Variants in CYSRT1 observed in about 807,000 individuals in gnomAD.
CYSRT1 encodes the protein cysteine rich tail 1, also known as cysteine-rich tail protein 1.
CYSRT1 carries 7 observed loss-of-function variants against 6.2 expected under a neutral mutation model. The ratio of observed to expected loss-of-function variants is 1.13; its 90% CI spans 0.64 to 2.13. CYSRT1 has a LOEUF of 2.13. Ranked by LOEUF, CYSRT1 falls within the 30% of genes most tolerant of loss-of-function variation. CYSRT1 has a pLI of 0.00. For missense variants in CYSRT1, 188 were observed against 196.4 expected (o/e 0.96, Z 0.26); for synonymous variants, 75 against 83.1 (o/e 0.90, Z 0.53).
intron 1 of CYSRT1, 37 bp from the exon 2 acceptor site, chr9:137,225,577 C>T (rs1328684729): frequency 1.3e-6 from 2 of 1,518,978 alleles, no homozygotes; most frequent in Admixed American, 4.3e-5. Context: ...TCCCACTCCA[C>T]TGAGTTCATG....
Position 137,225,630 on chromosome 9 carries a change from C to A in CYSRT1, c.9C>A (p.Pro3=). ...CCCCTGCAGGCTGGACCATGGACCC[C>A]CAAGAGATGGTCGTCAAGAACCCAT... MD[P]QEMVVKNPYA... Residue 3 remains proline (P), a synonymous_variant, in exon 2 of 2, where the codon CCC becomes CCA. Coordinates refer to ENST00000650725, the MANE Select transcript of CYSRT1 (RefSeq NM_199001.5). 1 of 1,550,338 alleles carries A rather than the reference C, an allele frequency of 6.5e-7. No individual in the cohort carries two copies. The highest frequency in any genetic ancestry group is 8.7e-7 in the Non-Finnish European group (1 of 1,146,942).
Position 137,226,192 on chromosome 9 carries a change from C to T in CYSRT1, c.*136C>T. On this transcript the variant is annotated 3_prime_UTR_variant, in exon 2 of 2. Coordinates refer to ENST00000650725, the MANE Select transcript of CYSRT1 (RefSeq NM_199001.5). Reference sequence around the variant, plus strand: ...TCACACCAGGCACTGGGGCTCAGACCCACCAGGAAGGTGGCCGTTCAGCCC... The same window carrying T: ...TCACACCAGGCACTGGGGCTCAGACTCACCAGGAAGGTGGCCGTTCAGCCC... 4.9e-6 allele frequency: 7 copies of T among 1,436,958 alleles called. No homozygotes were observed. Among genetic ancestry groups the T allele is most frequent in the Non-Finnish European group, 6.4e-6 (7 of 1,085,940 alleles). 89.0% of individuals were successfully genotyped at this position (1,436,958 alleles called of 1,614,324 possible).
intron 1 of CYSRT1, 95 bp from the exon 2 acceptor site, chr9:137,225,519 G>T: frequency 2.1e-6 from 3 of 1,457,460 alleles, no homozygotes. Context: ...GACGAGGCAC[G>T]CTGCTCCTGG....
At chr9:137,225,565 C>A in intron 1 of CYSRT1, 49 bp from the exon 2 acceptor site, 1 of 1,495,544 alleles carries the variant, frequency 6.7e-7, no homozygotes, top group South Asian at 1.3e-5. Flanking sequence ...CGTGGGCAGC[C>A]ATCCCACTCC....
chr9:137,225,875 A>T lies in CYSRT1; in HGVS notation c.254A>T (p.Gln85Leu), dbSNP rs1445638072. ...AAPIQNQQAWQQPGNPYSSSQ... is the reference protein window; with the variant it reads ...AAPIQNQQAWLQPGNPYSSSQ... ...CCCATCCAGAACCAGCAGGCCTGGC[A>T]GCAGCCTGGCAACCCCTACAGCAGC... Residue 85 changes from glutamine (Q) to leucine (L), a missense_variant, in exon 2 of 2, where the codon CAG becomes CTG. Transcript: ENST00000650725. 5 of 1,545,784 alleles carry T rather than the reference A, an allele frequency of 3.2e-6. No homozygotes were observed. The highest frequency in any genetic ancestry group is 4.4e-6 in the Non-Finnish European group (5 of 1,146,764).
chr9:137,226,039 T>C lies in CYSRT1; in HGVS notation c.418T>C (p.Cys140Arg). The change falls in exon 2 of 2, where the codon TGC (cysteine) becomes CGC (arginine). Residue 140 changes from cysteine to arginine, a missense_variant. Coordinates refer to ENST00000650725, the MANE Select transcript of CYSRT1 (RefSeq NM_199001.5). ...PPFCRCHSCCCCVIS is the reference protein window; with the variant it reads ...PPFCRCHSCCRCVIS ...CTTCTGCCGCTGCCACAGCTGCTGC[T>C]GCTGTGTCATCTCCTAGCCCAGCCC... The C allele has an allele frequency of 6.5e-7, 1 of 1,548,672 alleles. No individual in the cohort carries two copies. The highest frequency in any genetic ancestry group is 8.7e-7 in the Non-Finnish European group (1 of 1,146,762).
rs1335683145 is a variant in CYSRT1 at position 137,225,202 on chromosome 9, C to T, written c.-40C>T. 51 of 1,550,274 alleles carry T rather than the reference C, an allele frequency of 3.3e-5. No individual in the cohort carries two copies. Among genetic ancestry groups the T allele is most frequent in the South Asian group, 9.5e-5 (8 of 84,070 alleles). On this transcript the variant is annotated 5_prime_UTR_variant, in exon 1 of 2. Transcript: ENST00000650725. ...CACTGGGACCTAGAGCTCAGAAGAC[C>T]GAGAGGACAGACTGCCGTGTTGCCA...
At chr9:137,225,351 C>A in intron 1 of CYSRT1, 118 bp downstream of exon 1, 1 of 1,134,700 alleles carries the variant, frequency 8.8e-7, no homozygotes, top group Non-Finnish European at 1.3e-6. Context: ...GGACCAATGC[C>A]ACCAGGGGAG....
In CYSRT1 at chr9:137,225,175, G is replaced by A. The variant is rs986894869; in HGVS notation, c.-67G>A. On this transcript the variant is annotated 5_prime_UTR_variant, in exon 1 of 2. Coordinates refer to ENST00000650725, the MANE Select transcript of CYSRT1 (RefSeq NM_199001.5). Reference sequence around the variant, plus strand: ...AGGCGGCTGCCAGTCGCTCAACTCAGGCACTGGGACCTAGAGCTCAGAAGA... The same window carrying A: ...AGGCGGCTGCCAGTCGCTCAACTCAAGCACTGGGACCTAGAGCTCAGAAGA... The A allele has an allele frequency of 3.2e-6, 5 of 1,550,458 alleles. No individual in the cohort carries two copies. The highest frequency in any genetic ancestry group is 4.4e-6 in the Non-Finnish European group (5 of 1,146,958).
In CYSRT1 at chr9:137,225,964, G is replaced by A. The variant is rs891633307; in HGVS notation, c.343G>A (p.Ala115Thr). The A allele has an allele frequency of 1.3e-6, 2 of 1,548,568 alleles. No homozygotes were observed. The highest frequency in any genetic ancestry group is 1.7e-6 in the Non-Finnish European group (2 of 1,146,674). ...PPPAGRGDDI[A>T]HHCCCCPCCH... ...GCCCGCGGGGCGCGGGGATGACATCGCCCACCACTGCTGCTGCTGCCCCTG... is the reference window on the plus strand; with the variant it reads ...GCCCGCGGGGCGCGGGGATGACATCACCCACCACTGCTGCTGCTGCCCCTG... Residue 115 changes from alanine (A) to threonine (T), a missense_variant, in exon 2 of 2, where the codon GCC (alanine) becomes ACC (threonine). Physicochemically the swap from Ala to Thr is moderately conservative, Grantham distance 58 (BLOSUM62 0). Coordinates refer to ENST00000650725, the MANE Select transcript of CYSRT1 (RefSeq NM_199001.5).
chr9:137,226,124 G>A lies in CYSRT1; in HGVS notation c.*68G>A. ...TGTGGCTCACACAGTGCCGGGACAT[G>A]CCGGGACATGCGGGGTGGCTGTTGT... On this transcript the variant is annotated 3_prime_UTR_variant, in exon 2 of 2. Coordinates refer to ENST00000650725, the MANE Select transcript of CYSRT1 (RefSeq NM_199001.5). 1.3e-6 allele frequency: 2 copies of A among 1,507,038 alleles called. No individual in the cohort carries two copies. The highest frequency in any genetic ancestry group is 2.0e-5 in the Admixed American group (1 of 49,136). The allele number at this position is 1,507,038 out of a possible 1,614,324, so 93.4% of individuals were successfully genotyped here. A position where few individuals can be genotyped will look rare whatever the true frequency, so the allele number is the denominator to read the frequency against.
chr9:137,226,138 G>A lies in CYSRT1; in HGVS notation c.*82G>A. ...TGCCGGGACATGCCGGGACATGCGG[G>A]GTGGCTGTTGTCATGGGCGTCTGCC... On this transcript the variant is annotated 3_prime_UTR_variant, in exon 2 of 2. Coordinates refer to ENST00000650725, the MANE Select transcript of CYSRT1 (RefSeq NM_199001.5). The A allele has an allele frequency of 3.3e-6, 5 of 1,494,520 alleles. No individual in the cohort carries two copies. Among genetic ancestry groups the A allele is most frequent in the Non-Finnish European group, 4.5e-6 (5 of 1,111,926 alleles). 92.6% of individuals were successfully genotyped at this position (1,494,520 alleles called of 1,614,324 possible).
chr9:137,226,112 G>A lies in CYSRT1; in HGVS notation c.*56G>A, dbSNP rs1588832770. The A allele has an allele frequency of 1.3e-6, 2 of 1,520,294 alleles. No individual in the cohort carries two copies. The highest frequency in any genetic ancestry group is 2.0e-5 in the Admixed American group (1 of 49,744). 94.2% of individuals were successfully genotyped at this position (1,520,294 alleles called of 1,614,324 possible). On this transcript the variant is annotated 3_prime_UTR_variant, in exon 2 of 2. Transcript: ENST00000650725. ...GACTTCAGCAAATGTGGCTCACACA[G>A]TGCCGGGACATGCCGGGACATGCGG...
In CYSRT1 at chr9:137,225,862, C is replaced by T; in HGVS notation, c.241C>T (p.Gln81Ter). The change falls in exon 2 of 2, where the codon CAG (glutamine) becomes TAG (stop). Residue 81 changes from glutamine to a stop codon, truncating the protein, a stop_gained. Transcript: ENST00000650725. LOFTEE classifies it high-confidence loss of function. ...GNQGAAPIQN[Q>*]QAWQQPGNPY... ...CCAGGGGGCTGCCCCCATCCAGAAC[C>T]AGCAGGCCTGGCAGCAGCCTGGCAA... 2 of 1,546,454 alleles carry T rather than the reference C, an allele frequency of 1.3e-6. No homozygotes were observed. Among genetic ancestry groups the T allele is most frequent in the South Asian group, 1.2e-5 (1 of 84,030 alleles).
In CYSRT1 at chr9:137,225,676, C is replaced by G. The variant is rs1228223916; in HGVS notation, c.55C>G (p.Arg19Gly). 10 of 1,550,350 alleles carry G rather than the reference C, an allele frequency of 6.5e-6. No individual in the cohort carries two copies. Among genetic ancestry groups the G allele is most frequent in the Admixed American group, 2.0e-5 (1 of 50,990 alleles). Residue 19 changes from arginine (R) to glycine (G), a missense_variant, in exon 2 of 2, where the codon CGG becomes GGG. Coordinates refer to ENST00000650725, the MANE Select transcript of CYSRT1 (RefSeq NM_199001.5). ...CCCATATGCCCACATCAGCATCCCC[C>G]GGGCTCACCTGCGGCCTGACCTGGG... is the stretch of plus-strand genomic sequence containing the variant. The part of the protein sequence containing the change: ...KNPYAHISIP[R>G]AHLRPDLGQQ...
At position 137,225,994 on chromosome 9, in the gene CYSRT1, C is replaced by T; in HGVS notation, c.373C>T (p.His125Tyr). The change falls in exon 2 of 2, where the codon CAC becomes TAC. Residue 125 changes from histidine to tyrosine, a missense_variant. Transcript: ENST00000650725. ...AHHCCCCPCC[H>Y]CCHCPPFCRC... The stretch of plus-strand genomic sequence containing the variant: ...CCACTGCTGCTGCTGCCCCTGCTGC[C>T]ACTGCTGCCACTGCCCCCCCTTCTG... 1 of 1,548,640 alleles carries T rather than the reference C, an allele frequency of 6.5e-7. No individual in the cohort carries two copies. Among genetic ancestry groups the T allele is most frequent in the Non-Finnish European group, 8.7e-7 (1 of 1,146,374 alleles).
At chr9:137,225,374 T>C (rs936242179) in intron 1 of CYSRT1, 141 bp downstream of exon 1, 3 of 1,133,004 alleles carry the variant, frequency 2.6e-6, no homozygotes, top group South Asian at 3.2e-5. Context: ...GGAGGATCCC[T>C]GGCAGGGGTG....
At position 137,226,133 on chromosome 9, in the gene CYSRT1, T is replaced by C; in HGVS notation, c.*77T>C. On this transcript the variant is annotated 3_prime_UTR_variant, in exon 2 of 2. Transcript: ENST00000650725. ...CACAGTGCCGGGACATGCCGGGACATGCGGGGTGGCTGTTGTCATGGGCGT... is the reference window on the plus strand; with the variant it reads ...CACAGTGCCGGGACATGCCGGGACACGCGGGGTGGCTGTTGTCATGGGCGT... The C allele has an allele frequency of 6.7e-7, 1 of 1,499,816 alleles. No individual in the cohort carries two copies. The highest frequency in any genetic ancestry group is 9.0e-7 in the Non-Finnish European group (1 of 1,114,490). The allele number at this position is 1,499,816 out of a possible 1,614,324, so 92.9% of individuals were successfully genotyped here.
chr9:137,225,916 G>A lies in CYSRT1; in HGVS notation c.295G>A (p.Gly99Arg), dbSNP rs745952298. The A allele has an allele frequency of 1.5e-5, 23 of 1,546,158 alleles. No individual in the cohort carries two copies. The highest frequency in any genetic ancestry group is 2.4e-5 in the South Asian group (2 of 84,008). ...CTACAGCAGCAGTCAGCGCCAGGCC[G>A]GACTGACCTACGCTGGCCCTCCGCC... ...NPYSSSQRQA[G>R]LTYAGPPPAG... The change falls in exon 2 of 2, where the codon GGA becomes AGA. Residue 99 changes from glycine to arginine, a missense_variant. Physicochemically the swap from Gly to Arg is moderately radical, Grantham distance 125. Coordinates refer to ENST00000650725, the MANE Select transcript of CYSRT1 (RefSeq NM_199001.5).
Sources: gnomAD v4.1 joint callset for allele counts on GRCh38, gnomAD v4.1.1 for gene constraint, MANE v1.5 for transcripts, NCBI Gene and HGNC (gene_info 2026-07-23, HGNC 2026-07-21) for gene names.